The following IRF9 variants were observed in gnomAD, a reference collection of about 807,000 sequenced individuals.
IRF9 encodes the protein IFN-alpha-responsive transcription factor subunit.
IRF9 carries 13 observed loss-of-function variants against 44.1 expected under a neutral mutation model. That is an observed-to-expected ratio of 0.29 (90% CI 0.19 to 0.47). The LOEUF (loss-of-function observed/expected upper bound fraction) is 0.47. IRF9 is among the 20% of genes least tolerant of loss of function. The pLI, the probability that IRF9 is intolerant of heterozygous loss-of-function variation, is 1.00. For synonymous variants in IRF9, 189 were observed against 188.5 expected (o/e 1.00, Z -0.02); for missense variants, 373 against 496.1 (o/e 0.75, Z 2.36).
rs766556171 is a variant in IRF9, at chr14:24,166,228, T to C, written c.*32T>C. 6.3e-7 allele frequency: 1 copy of C among 1,589,430 alleles called. No homozygotes were observed. The highest frequency in any genetic ancestry group is 8.6e-7 in the Non-Finnish European group (1 of 1,159,100). Reference sequence around the variant, plus strand: ...GGGGACCCATCTTCCACCTCACCTCTTTGTTCTTCCTGTCTCCTTTGAAGT... The same window carrying C: ...GGGGACCCATCTTCCACCTCACCTCCTTGTTCTTCCTGTCTCCTTTGAAGT... On this transcript the variant is annotated 3_prime_UTR_variant, in exon 9 of 9. Coordinates refer to ENST00000396864, the MANE Select transcript of IRF9 (RefSeq NM_006084.5).
chr14:24,165,970 C>T lies in IRF9; in HGVS notation c.1107+8C>T, dbSNP rs749006809. The T allele has an allele frequency of 2.5e-5, 41 of 1,609,126 alleles. No homozygotes were observed. Among genetic ancestry groups the T allele is most frequent in the African/African-American group, 1.2e-4 (9 of 74,856 alleles). Reference sequence around the variant, plus strand: ...AATCTTATCACAGTGAAGGTGAGCTCGGAGCAGGGGTAGAGTACCCATCTA... The same window carrying T: ...AATCTTATCACAGTGAAGGTGAGCTTGGAGCAGGGGTAGAGTACCCATCTA... On this transcript the variant is annotated splice_region_variant and intron_variant, in intron 8 of 8. Transcript: ENST00000396864.
chr14:24,165,407 C>A, intron 7 of IRF9: 1 of 592,930 alleles, frequency 1.7e-6, no homozygotes, highest in Non-Finnish European at 3.0e-6. Context: ...GCTTCTCTCC[C>A]ATCCAATTCC....
chr14:24,162,349 TC>T (rs1287439357), intron 2 of IRF9, 25 bp downstream of exon 2: 4 of 1,607,338 alleles, frequency 2.5e-6, no homozygotes, highest in African/African-American at 2.7e-5. Context: ...AAACCACTGT[TC>T]CTCTGTGTGT....
intron 3 of IRF9, 46 bp downstream of exon 3, chr14:24,163,195 G>A: frequency 4.4e-6 from 7 of 1,602,066 alleles, no homozygotes; most frequent in Non-Finnish European, 6.0e-6. Flanking sequence ...GCAGACTGGG[G>A]AGGAAGGATA....
In IRF9 at chr14:24,165,942, C is replaced by T; in HGVS notation, c.1087C>T (p.Gln363Ter). 1 of 1,613,996 alleles carries T rather than the reference C, an allele frequency of 6.2e-7. No homozygotes were observed. Among genetic ancestry groups the T allele is most frequent in the Non-Finnish European group, 8.5e-7 (1 of 1,179,830 alleles). Residue 363 changes from glutamine to a stop codon, truncating the protein, a stop_gained, in exon 8 of 9, where the codon CAG becomes TAG. Transcript: ENST00000396864. LOFTEE classifies it high-confidence loss of function. ...GAGCCATGGCTCCAGCCATACTCCA[C>T]AGAATCTTATCACAGTGAAGGTGAG... ...EESHGSSHTP[Q>*]NLITVKMEQA...
rs1038314663 is a variant in IRF9 at position 24,163,256 on chromosome 14, G to C, written c.364+107G>C. ...TAGCTCTGCCCTGTCCATGCCCTTG[G>C]GGGGCTGCAACCCAGGTTTCCCTTC... is the stretch of plus-strand genomic sequence containing the variant. On this transcript the variant is annotated intron_variant, in intron 3 of 8. Transcript: ENST00000396864. The C allele has an allele frequency of 8.4e-6, 13 of 1,542,842 alleles. No individual in the cohort carries two copies. In the Admixed American group the frequency reaches 1.6e-4, roughly 19 times the overall value.
chr14:24,161,682 CG>C (rs2038458276), intron 1 of IRF9, among the ~76,000 whole-genome samples: 1 of 151,922 alleles, frequency 6.6e-6, no homozygotes, highest in Admixed American at 6.6e-5. Context: ...CTCCTGGGGC[CG>C]GCAGGGGGTG....
chr14:24,163,109 C>T lies in IRF9; in HGVS notation c.324C>T (p.Pro108=), dbSNP rs2038480410. 16 of 1,614,024 alleles carry T rather than the reference C, an allele frequency of 9.9e-6. No individual in the cohort carries two copies. Among genetic ancestry groups the T allele is most frequent in the Non-Finnish European group, 1.4e-5 (16 of 1,180,030 alleles). Reference sequence around the variant, plus strand: ...GGGGCCGCATGGATGTTGCTGAGCCCTACAAGGTGTATCAGTTGCTGCCAC... The same window carrying T: ...GGGGCCGCATGGATGTTGCTGAGCCTTACAAGGTGTATCAGTTGCTGCCAC... The part of the protein sequence containing the change: ...PERGRMDVAE[P]YKVYQLLPPG... The change falls in exon 3 of 9, where the codon CCC becomes CCT. Residue 108 remains proline (P), a synonymous_variant. Transcript: ENST00000396864.
At position 24,164,744 on chromosome 14, in the gene IRF9, C is replaced by T; in HGVS notation, c.780C>T (p.Pro260=). The T allele has an allele frequency of 6.2e-7, 1 of 1,612,444 alleles. No individual in the cohort carries two copies. The highest frequency in any genetic ancestry group is 1.3e-5 in the African/African-American group (1 of 75,050). ...GCAGCATGGAGCAGGTGCTGTTCCC[C>T]AAGCCTGGCCCACTGGAGCCCACGC... The part of the protein sequence containing the change: ...SESSMEQVLF[P]KPGPLEPTQR... Residue 260 remains proline (P), a synonymous_variant, in exon 7 of 9, where the codon CCC becomes CCT. Coordinates refer to ENST00000396864, the MANE Select transcript of IRF9 (RefSeq NM_006084.5). The surrounding 1 kb of genome is among the most constrained non-coding windows in gnomAD (Gnocchi z 5.2).
rs2038464630 is a variant in IRF9, at chr14:24,162,133, T to C, written c.-1-11T>C. The C allele has an allele frequency of 6.2e-7, 1 of 1,612,624 alleles. No homozygotes were observed. Among genetic ancestry groups the C allele is most frequent in the Non-Finnish European group, 8.5e-7 (1 of 1,179,210 alleles). On this transcript the variant is annotated splice_polypyrimidine_tract_variant and intron_variant, in intron 1 of 8. Transcript: ENST00000396864. The stretch of plus-strand genomic sequence containing the variant: ...TCAGTTCTGATGCATCCTGCTCCTA[T>C]TATCCCCCAGGATGGCATCAGGCAG...
rs372962859 is a variant in IRF9, at chr14:24,163,168, A to G, written c.364+19A>G. 3.7e-6 allele frequency: 6 copies of G among 1,612,168 alleles called. No individual in the cohort carries two copies. In the African/African-American group the frequency reaches 8.0e-5, roughly 22 times the overall value. On this transcript the variant is annotated intron_variant, in intron 3 of 8. Transcript: ENST00000396864. ...GTCTCTGGTGAGTTTCCCCTTGTCCAACCACTGCTAGACTCAGCAGACTGG... is the reference window on the plus strand; with the variant it reads ...GTCTCTGGTGAGTTTCCCCTTGTCCGACCACTGCTAGACTCAGCAGACTGG...
Position 24,165,074 on chromosome 14 carries a change from T to G in IRF9, c.991+119T>G, listed in dbSNP as rs10140260. The G allele has an allele frequency of 9.7e-3, 8,733 of 901,322 alleles. 207 individuals are homozygous for G. Among genetic ancestry groups the G allele is most frequent in the African/African-American group, 0.078 (4,750 of 60,846 alleles). 55.8% of individuals were successfully genotyped at this position (901,322 alleles called of 1,614,324 possible). ...GCCAGCAGATCCTCCATGTAGCCTA[T>G]GCATGGCACTCCTGCGCTTGTGTGT... On this transcript the variant is annotated intron_variant, in intron 7 of 8. Coordinates refer to ENST00000396864, the MANE Select transcript of IRF9 (RefSeq NM_006084.5).
chr14:24,164,555 A>AG lies in IRF9; in HGVS notation c.650-55dup. 6.7e-7 allele frequency: 1 copy of AG among 1,487,516 alleles called. No homozygotes were observed. Among genetic ancestry groups the AG allele is most frequent in the South Asian group, 1.3e-5 (1 of 76,642 alleles). The allele number at this position is 1,487,516 out of a possible 1,614,324, so 92.1% of individuals were successfully genotyped here. The stretch of plus-strand genomic sequence containing the variant: ...GGGAGGTGGAGTTGTTCCCCTGGGG[A>AG]GGGGCTGCTGCCAGCCTGCATGCTC... On this transcript the variant is annotated intron_variant, in intron 6 of 8. Transcript: ENST00000396864. This position sits in a 1 kb window ranked among gnomAD's most constrained non-coding sequence, Gnocchi z 5.2.
chr14:24,165,255 G>A (rs568373528), intron 7 of IRF9: 4 of 697,388 alleles, frequency 5.7e-6, no homozygotes, highest in East Asian at 5.4e-5. Context: ...ACTATGTGAA[G>A]GTGCACAGAA....
rs758079377 is a variant in IRF9, at chr14:24,166,164, G to A, written c.1150G>A (p.Glu384Lys). 3 of 1,614,012 alleles carry A rather than the reference G, an allele frequency of 1.9e-6. No individual in the cohort carries two copies. In the African/African-American group the frequency reaches 4.0e-5, roughly 22 times the overall value. ...FARYLLEQTP[E>K]QQAAILSLV Reference sequence around the variant, plus strand: ...CCGATACTTGCTGGAGCAGACTCCAGAGCAGCAGGCAGCCATTCTGTCCCT... The same window carrying A: ...CCGATACTTGCTGGAGCAGACTCCAAAGCAGCAGGCAGCCATTCTGTCCCT... The change falls in exon 9 of 9, where the codon GAG becomes AAG. Residue 384 changes from glutamate to lysine, a missense_variant. By Grantham distance (56) the Glu-to-Lys change is moderately conservative. Around this residue, in one of 2 missense-constraint regions of IRF9, gnomAD observed 146 missense variants for 240.8 expected, o/e 0.61. Transcript: ENST00000396864.
At chr14:24,165,536 C>G in intron 7 of IRF9, 1 of 523,740 alleles carries the variant, frequency 1.9e-6, no homozygotes, top group Non-Finnish European at 3.4e-6. Flanking sequence ...GAGCAAGTAG[C>G]AAAGGTCTGG....
chr14:24,166,105 C>T lies in IRF9; in HGVS notation c.1108-17C>T, dbSNP rs1382757150. 1 of 1,612,498 alleles carries T rather than the reference C, an allele frequency of 6.2e-7. No individual in the cohort carries two copies. The highest frequency in any genetic ancestry group is 2.2e-5 in the East Asian group (1 of 44,860). On this transcript the variant is annotated splice_polypyrimidine_tract_variant and intron_variant, in intron 8 of 8. Coordinates refer to ENST00000396864, the MANE Select transcript of IRF9 (RefSeq NM_006084.5). ...ATGCACGCACTGAGATGCTCTTCTCCATCTCTTCCAATACAGATGGAGCAG... is the reference window on the plus strand; with the variant it reads ...ATGCACGCACTGAGATGCTCTTCTCTATCTCTTCCAATACAGATGGAGCAG...
Position 24,163,874 on chromosome 14 carries a change from G to T in IRF9, c.496-4G>T. ...AAAAAAATAAAAAGACACTGTGTCC[G>T]CAGGAGGAGGAGGGGGCCAGTGGGG... On this transcript the variant is annotated splice_region_variant and splice_polypyrimidine_tract_variant and intron_variant, in intron 4 of 8. Coordinates refer to ENST00000396864, the MANE Select transcript of IRF9 (RefSeq NM_006084.5). 13 of 1,588,880 alleles carry T rather than the reference G, an allele frequency of 8.2e-6. No individual in the cohort carries two copies. The highest frequency in any genetic ancestry group is 1.1e-5 in the Non-Finnish European group (13 of 1,173,934).
chr14:24,162,356 T>G, intron 2 of IRF9, 32 bp downstream of exon 2: 1 of 1,602,548 alleles, frequency 6.2e-7, no homozygotes, highest in South Asian at 1.1e-5. Flanking sequence ...TGTTCCTCTG[T>G]GTGTGGGATG....
Sources: gnomAD v4.1 joint callset for allele counts (sites outside exome capture counted in the v4.1 genomes callset) on GRCh38, gnomAD v4.1.1 for gene constraint, gnomAD v4.1.1 regional missense constraint, Gnocchi (gnomAD v3.1) non-coding constraint, MANE v1.5 for transcripts, NCBI Gene and HGNC (gene_info 2026-07-23, HGNC 2026-07-21) for gene names.